DISP1: variants seen among roughly 807,000 people sequenced by gnomAD.
DISP1 encodes the protein dispatched RND transporter family member 1.
In DISP1, 30 loss-of-function variants were observed where a neutral mutation model predicts 37.3. The ratio of observed to expected loss-of-function variants is 0.80; its 90% confidence interval spans 0.60 to 1.09. DISP1 has a LOEUF of 1.09. DISP1 is among the 50% of genes least tolerant of loss of function. The pLI, the probability that DISP1 is intolerant of heterozygous loss-of-function variation, is 0.00. For missense variants in DISP1, 1,598 were observed against 1,879.5 expected, an observed-to-expected ratio of 0.85 and a Z score of 2.77; for synonymous variants, 634 against 690.2, an observed-to-expected ratio of 0.92 and a Z score of 1.28.
intron 1 of DISP1, among the ~76,000 whole-genome samples, chr1:222,832,113 C>T (rs1435275017): frequency 6.6e-6 from 1 of 151,922 alleles, no homozygotes; most frequent in Non-Finnish European, 1.5e-5. Flanking sequence ...AACCCCGTCT[C>T]TACTAAAAAT....
chr1:223,000,633 AAATAGGACACCC>A (rs1331744437), intron 8 of DISP1, among the ~76,000 whole-genome samples: 1 of 152,186 alleles, frequency 6.6e-6, no homozygotes, highest in Non-Finnish European at 1.5e-5. Flanking sequence ...TGGACTGTCG[AAATAGGACACCC>A]AATTCCACAG....
chr1:222,839,226 T>G (rs1422304096), intron 1 of DISP1, among the ~76,000 whole-genome samples: 1 of 152,174 alleles, frequency 6.6e-6, no homozygotes, highest in Non-Finnish European at 1.5e-5. Context: ...CAGCATTAGA[T>G]TCTCATAGGA....
intron 1 of DISP1, among the ~76,000 whole-genome samples, chr1:222,908,736 A>G (rs1479738661): frequency 2.0e-5 from 3 of 152,164 alleles, no homozygotes; most frequent in African/African-American, 7.2e-5. Context: ...CAGTAACCTA[A>G]TGAATTTACT....
intron 3 of DISP1, 175 bp downstream of exon 3, chr1:222,943,507 A>G (rs908092053): frequency 8.7e-6 from 7 of 805,198 alleles, no homozygotes; most frequent in Non-Finnish European, 1.4e-5. Flanking sequence ...ATAATACTGT[A>G]TATCGATTTT....
At chr1:222,822,958 G>C (rs905847613) in intron 1 of DISP1, among the ~76,000 whole-genome samples, 26 of 151,982 alleles carry the variant, frequency 1.7e-4, no homozygotes, top group Admixed American at 1.6e-3. Context: ...TGCTTCTCTC[G>C]TAACTGTTAG....
intron 2 of DISP1, among the ~76,000 whole-genome samples, chr1:222,931,440 G>A (rs1673389198): frequency 6.6e-6 from 1 of 151,890 alleles, no homozygotes. Context: ...GAGCTATAGT[G>A]ATACAGATAG....
At chr1:222,943,439 G>T in intron 3 of DISP1, 107 bp downstream of exon 3, 1 of 1,441,588 alleles carries the variant, frequency 6.9e-7, no homozygotes, top group Non-Finnish European at 9.7e-7. Flanking sequence ...GGCACAGAAA[G>T]AAAACATGAA....
chr1:222,983,238 T>A, intron 4 of DISP1, 129 bp downstream of exon 4: 1 of 809,182 alleles, frequency 1.2e-6, no homozygotes, highest in East Asian at 2.5e-5. Context: ...GAAAAAGAAA[T>A]GTCCCATGAG....
In DISP1 at chr1:222,940,962, T is replaced by A. The variant is rs184625192; in HGVS notation, c.-17-1845T>A. 6.9e-3 allele frequency among the ~76,000 whole-genome samples: 1,056 copies of A among 152,360 alleles called. 16 individuals are homozygous for A. The highest frequency in any genetic ancestry group is 0.023 in the African/African-American group (976 of 41,580). The stretch of plus-strand genomic sequence containing the variant: ...CATCTTAAATTTCAATTAGCTTTTT[T>A]AAAAAACGTCCAGTGCTTCTTTAAA... On this transcript the variant is annotated intron_variant, in intron 2 of 8. Transcript: ENST00000675850.
At chr1:222,836,292 G>T (rs948512936) in intron 1 of DISP1, among the ~76,000 whole-genome samples, 10 of 152,178 alleles carry the variant, frequency 6.6e-5, no homozygotes, top group African/African-American at 2.4e-4. Flanking sequence ...CTAGTCCAAA[G>T]ATAACATTAC....
At chr1:222,921,954 A>C (rs1345353220) in intron 1 of DISP1, among the ~76,000 whole-genome samples, 1 of 152,218 alleles carries the variant, frequency 6.6e-6, no homozygotes, top group African/African-American at 2.4e-5. Context: ...GTAACTTAGA[A>C]TAGAAAGAGA....
chr1:222,933,403 A>G (rs1026227240), intron 2 of DISP1, among the ~76,000 whole-genome samples: 3 of 151,954 alleles, frequency 2.0e-5, no homozygotes, highest in Non-Finnish European at 4.4e-5. Context: ...GGTGCTTATC[A>G]TAAGTTGAAA....
intron 8 of DISP1, among the ~76,000 whole-genome samples, chr1:222,999,132 CTT>C (rs754053946): frequency 2.0e-5 from 3 of 152,056 alleles, no homozygotes; most frequent in Non-Finnish European, 4.4e-5. Context: ...TCTTCTCTTA[CTT>C]TACCCTCTAT....
At chr1:222,880,725 C>A (rs193068331) in intron 1 of DISP1, among the ~76,000 whole-genome samples, 1 of 151,930 alleles carries the variant, frequency 6.6e-6, no homozygotes, top group Non-Finnish European at 1.5e-5. Context: ...TCCTGTGTGG[C>A]GAGAGAAGAC....
At chr1:222,937,872 GT>G (rs568809774) in intron 2 of DISP1, among the ~76,000 whole-genome samples, 14 of 124,278 alleles carry the variant, frequency 1.1e-4, no homozygotes, top group African/African-American at 4.0e-4. Flanking sequence ...AACAATAGCT[GT>G]TTTGTTTTGT....
At chr1:222,864,776 C>T (rs1218775341) in intron 1 of DISP1, among the ~76,000 whole-genome samples, 1 of 152,042 alleles carries the variant, frequency 6.6e-6, no homozygotes, top group African/African-American at 2.4e-5. Flanking sequence ...TGCTGCCAGG[C>T]AAAAAGAATT....
Position 223,005,642 on chromosome 1 carries a change from A to C in DISP1, c.4245A>C (p.Glu1415Asp), listed in dbSNP as rs780537309. ...GCGACCCCGAGAATAAACAAAGGGA[A>C]CTCTGTAAAAATAGAGACGTGAGCA... ...TCCDPENKQR[E>D]LCKNRDVSNL... Residue 1415 changes from glutamate (E) to aspartate (D), a missense_variant, in exon 9 of 9, where the codon GAA becomes GAC. By Grantham distance (45) the Glu-to-Asp change is conservative. Coordinates refer to ENST00000675850, the MANE Select transcript of DISP1 (RefSeq NM_001377229.1). 1 of 1,613,996 alleles carries C rather than the reference A, an allele frequency of 6.2e-7. No individual in the cohort carries two copies. Among genetic ancestry groups the C allele is most frequent in the East Asian group, 2.2e-5 (1 of 44,884 alleles).
rs1395260210 is a variant in DISP1 at position 223,002,942 on chromosome 1, T to G, written c.1545T>G (p.Leu515=). The G allele has an allele frequency of 6.2e-7, 1 of 1,613,876 alleles. No homozygotes were observed. Among genetic ancestry groups the G allele is most frequent in the African/African-American group, 1.3e-5 (1 of 74,946 alleles). ...VYPAIAIVIV[L]LVMCVYTKSM... is the part of the protein sequence containing the mutation. ...CTGCCATAGCCATTGTGATTGTCCT[T>G]TTAGTTATGTGTGTCTACACCAAGT... The change falls in exon 9 of 9, where the codon CTT becomes CTG. Residue 515 remains leucine, a synonymous_variant. Transcript: ENST00000675850.
chr1:222,885,122 C>T (rs1345807966), intron 1 of DISP1, among the ~76,000 whole-genome samples: 1 of 152,198 alleles, frequency 6.6e-6, no homozygotes, highest in Non-Finnish European at 1.5e-5. Context: ...GCCACCGCAC[C>T]TGGCCTGTCT....
Sources: gnomAD v4.1 joint callset for allele counts (sites outside exome capture counted in the v4.1 genomes callset) on GRCh38, gnomAD v4.1.1 for gene constraint, MANE v1.5 for transcripts, NCBI Gene and HGNC (gene_info 2026-07-23, HGNC 2026-07-21) for gene names.